Variants in NUDT5 observed in about 807,000 individuals in gnomAD.
NUDT5 encodes nudix hydrolase 5.
In NUDT5, 21 loss-of-function variants were observed where a neutral mutation model predicts 34.1. The ratio of observed to expected loss-of-function variants is 0.62; its 90% CI spans 0.44 to 0.89. NUDT5 has a LOEUF of 0.89. Among genes scored for constraint, NUDT5 ranks in the 40% least tolerant of loss-of-function variants. The probability of loss-of-function intolerance (pLI) is 0.00; values close to 1 mark genes in which losing one functional copy is unlikely to be tolerated. For synonymous variants in NUDT5, 85 were observed against 97.6 expected (o/e 0.87, Z 0.76); for missense variants, 249 against 274.8 (o/e 0.91, Z 0.66).
At chr10:12,191,021 G>A (rs1270989707) in intron 1 of NUDT5, among the ~76,000 whole-genome samples, 1 of 152,214 alleles carries the variant, frequency 6.6e-6, no homozygotes, top group African/African-American at 2.4e-5. Flanking sequence ...ACCGGGGCAA[G>A]GGTGAGAAAT....
chr10:12,187,301 T>G lies in NUDT5; in HGVS notation c.-41-969A>C. Among the ~76,000 whole-genome samples, 1 of 152,156 alleles carries G rather than the reference T, an allele frequency of 6.6e-6. No individual in the cohort carries two copies. ...CTCCTCCCGCCTCGGTGTCCCAAAGTGCTGGGATTACAGGCATGAGCCACT... is the reference window on the plus strand; with the variant it reads ...CTCCTCCCGCCTCGGTGTCCCAAAGGGCTGGGATTACAGGCATGAGCCACT... On this transcript the variant is annotated intron_variant, in intron 1 of 9. Coordinates refer to ENST00000491614, the MANE Select transcript of NUDT5 (RefSeq NM_014142.4). This position sits in a 1 kb window ranked among gnomAD's most constrained non-coding sequence, Gnocchi z 5.4.
chr10:12,194,836 T>C (rs991944833), intron 1 of NUDT5, among the ~76,000 whole-genome samples: 1 of 152,148 alleles, frequency 6.6e-6, no homozygotes, highest in Non-Finnish European at 1.5e-5. Context: ...CTAAAGCTCG[T>C]GTGGTAAGCG....
Position 12,170,108 on chromosome 10 carries a change from G to GT in NUDT5, c.550+608dup. On this transcript the variant is annotated intron_variant, in intron 9 of 9. Coordinates refer to ENST00000491614, the MANE Select transcript of NUDT5 (RefSeq NM_014142.4). The surrounding 1 kb of genome is among the most constrained non-coding windows in gnomAD (Gnocchi z 4.9). ...TCTCCATACAGTATCTCCTCTCGTG[G>GT]TTTTATCAAAGGACTTTTCTCCCCA... is the stretch of plus-strand genomic sequence containing the variant. The GT allele has an allele frequency of 6.2e-7, 1 of 1,612,008 alleles. No homozygotes were observed. The highest frequency in any genetic ancestry group is 8.5e-7 in the Non-Finnish European group (1 of 1,179,242).
At chr10:12,191,270 C>T (rs572503323) in intron 1 of NUDT5, among the ~76,000 whole-genome samples, 2 of 152,018 alleles carry the variant, frequency 1.3e-5, no homozygotes, top group African/African-American at 4.8e-5. Context: ...GTAGTCCGGG[C>T]TACTCAGGAG....
rs1834842146 is a variant in NUDT5 at position 12,171,036 on chromosome 10, T to G, written c.488-128A>C. The stretch of plus-strand genomic sequence containing the variant: ...AGCCTGGGTTTCTGCTAACTTAATT[T>G]ATATACATTGTCAAACTCGAGCAGT... On this transcript the variant is annotated intron_variant, in intron 7 of 9. Transcript: ENST00000491614. This position sits in a 1 kb window ranked among gnomAD's most constrained non-coding sequence, Gnocchi z 4.2. 2.1e-6 allele frequency: 2 copies of G among 945,774 alleles called. No individual in the cohort carries two copies. Among genetic ancestry groups the G allele is most frequent in the Admixed American group, 2.4e-5 (1 of 40,862 alleles). 58.6% of individuals were successfully genotyped at this position (945,774 alleles called of 1,614,324 possible). A position where few individuals can be genotyped will look rare whatever the true frequency, so the allele number is the denominator to read the frequency against.
intron 1 of NUDT5, among the ~76,000 whole-genome samples, chr10:12,193,445 C>T (rs1460418170): frequency 6.6e-6 from 1 of 152,100 alleles, no homozygotes; most frequent in Non-Finnish European, 1.5e-5. Context: ...AATCTCCTCC[C>T]CCATAATCAC....
At chr10:12,177,618 A>G (rs1173047050) in intron 5 of NUDT5, among the ~76,000 whole-genome samples, 175 bp downstream of exon 5, 1 of 152,198 alleles carries the variant, frequency 6.6e-6, no homozygotes, top group Non-Finnish European at 1.5e-5. Context: ...TCACGGGTTC[A>G]GAGGGTTGTT....
At position 12,177,850 on chromosome 10, in the gene NUDT5, C is replaced by T. The variant is rs771778450; in HGVS notation, c.232G>A (p.Val78Ile). 10 of 1,614,126 alleles carry T rather than the reference C, an allele frequency of 6.2e-6. No homozygotes were observed. In the East Asian group the frequency reaches 6.7e-5, roughly 11 times the overall value. ...GGTGGTCGGAACTGTTTCACCAGAA[C>T]GATACACTCATAGTGAAGTGTTCTC... is the stretch of plus-strand genomic sequence containing the variant. ...LQRTLHYECI[V>I]LVKQFRPPMG... Residue 78 changes from valine (V) to isoleucine (I), a missense_variant, in exon 5 of 10, where the codon GTT becomes ATT. Coordinates refer to ENST00000491614, the MANE Select transcript of NUDT5 (RefSeq NM_014142.4).
At chr10:12,185,741 TA>T (rs1213442606) in intron 2 of NUDT5, among the ~76,000 whole-genome samples, 3 of 152,378 alleles carry the variant, frequency 2.0e-5, no homozygotes, top group African/African-American at 7.2e-5. Context: ...ATGAAGGATT[TA>T]AAATTTATCC....
rs1456870855 is a variant in NUDT5, at chr10:12,181,576, C to T, written c.132-2444G>A. On this transcript the variant is annotated intron_variant, in intron 3 of 9. Transcript: ENST00000491614. This position sits in a 1 kb window ranked among gnomAD's most constrained non-coding sequence, Gnocchi z 5.0. Reference sequence around the variant, plus strand: ...ATGAGTCATGCACATAGGTCTCAGCCCTGTGTAGGGTGTTGTGGGGAACTG... The same window carrying T: ...ATGAGTCATGCACATAGGTCTCAGCTCTGTGTAGGGTGTTGTGGGGAACTG... Among the ~76,000 whole-genome samples the T allele has an allele frequency of 1.3e-5, 2 of 152,128 alleles. No homozygotes were observed. The highest frequency in any genetic ancestry group is 2.9e-5 in the Non-Finnish European group (2 of 68,024).
rs1834803016 is a variant in NUDT5 at position 12,169,479 on chromosome 10, C to T, written c.550+1238G>A. The T allele has an allele frequency of 6.9e-6, 4 of 580,246 alleles. No homozygotes were observed. The highest frequency in any genetic ancestry group is 6.5e-5 in the Admixed American group (2 of 30,568). The allele number at this position is 580,246 out of a possible 1,614,324, so 35.9% of individuals were successfully genotyped here. The stretch of plus-strand genomic sequence containing the variant: ...TGATGTGATAGCTAATTATGGTCCG[C>T]GGAGCCTCAAACCGAGTCGGGCCTG... On this transcript the variant is annotated intron_variant, in intron 9 of 9. Transcript: ENST00000491614. The surrounding 1 kb of genome is among the most constrained non-coding windows in gnomAD (Gnocchi z 4.8).
Position 12,175,482 on chromosome 10 carries a change from C to A in NUDT5, c.290-1669G>T, listed in dbSNP as rs1168709831. ...GTGACAAAGCAAAACCCCATCTCTA[C>A]AAAAAATTTAAAAATCGAATGCGGT... On this transcript the variant is annotated intron_variant, in intron 5 of 9. Transcript: ENST00000491614. The surrounding 1 kb of genome is among the most constrained non-coding windows in gnomAD (Gnocchi z 4.8). 6.6e-6 allele frequency among the ~76,000 whole-genome samples: 1 copy of A among 151,754 alleles called. No homozygotes were observed. Among genetic ancestry groups the A allele is most frequent in the Non-Finnish European group, 1.5e-5 (1 of 67,944 alleles).
At chr10:12,178,307 C>T (rs993228119) in intron 4 of NUDT5, among the ~76,000 whole-genome samples, 6 of 151,930 alleles carry the variant, frequency 3.9e-5, no homozygotes, top group African/African-American at 1.4e-4. Context: ...AAGTAAGTTC[C>T]ACTGTCTGCA....
intron 1 of NUDT5, among the ~76,000 whole-genome samples, chr10:12,190,860 C>T (rs988624584): frequency 3.9e-5 from 6 of 151,912 alleles, no homozygotes; most frequent in African/African-American, 1.5e-4. Context: ...CCACCCACCT[C>T]GGCCTCCCAC....
At chr10:12,167,873 C>T in intron 9 of NUDT5, 62 bp from the exon 10 acceptor site, 1 of 1,603,634 alleles carries the variant, frequency 6.2e-7, no homozygotes, top group Non-Finnish European at 8.5e-7. Context: ...ACATCTTATT[C>T]AATCAGTGTT....
rs576750707 is a variant in NUDT5, at chr10:12,175,880, C to A, written c.289+1913G>T. On this transcript the variant is annotated intron_variant, in intron 5 of 9. Coordinates refer to ENST00000491614, the MANE Select transcript of NUDT5 (RefSeq NM_014142.4). The surrounding 1 kb of genome is among the most constrained non-coding windows in gnomAD (Gnocchi z 4.8). ...CCAGCCTCAGCAACAGAGACCCCAT[C>A]TCAAAGAAAAAAGAAAAAGTGAGAG... Among the ~76,000 whole-genome samples the A allele has an allele frequency of 2.2e-4, 33 of 152,108 alleles. No individual in the cohort carries two copies. In the South Asian group the frequency reaches 3.7e-3, roughly 17 times the overall value.
intron 3 of NUDT5, 95 bp downstream of exon 3, chr10:12,184,794 A>T: frequency 1.3e-6 from 1 of 757,832 alleles, no homozygotes; most frequent in Non-Finnish European, 2.2e-6. Context: ...AACAGAGTTT[A>T]CAAAAAAGAA....
intron 1 of NUDT5, among the ~76,000 whole-genome samples, chr10:12,194,707 A>T (rs549021713): frequency 4.1e-4 from 62 of 152,364 alleles, no homozygotes; most frequent in African/African-American, 1.4e-3. Flanking sequence ...ATTCTAAGGA[A>T]CACCCTTCTG....
At position 12,171,250 on chromosome 10, in the gene NUDT5, C is replaced by T. The variant is rs1834846350; in HGVS notation, c.488-342G>A. The stretch of plus-strand genomic sequence containing the variant: ...TAACATTCAAAAAGGTGCACAACCA[C>T]CACCAGTATCCATCTCCAGAACTTT... On this transcript the variant is annotated intron_variant, in intron 7 of 9. Transcript: ENST00000491614. The surrounding 1 kb of genome is among the most constrained non-coding windows in gnomAD (Gnocchi z 4.2). 6.6e-6 allele frequency among the ~76,000 whole-genome samples: 1 copy of T among 152,170 alleles called. No homozygotes were observed. Among genetic ancestry groups the T allele is most frequent in the Non-Finnish European group, 1.5e-5 (1 of 68,036 alleles).
Sources: allele counts gnomAD v4.1 joint callset (sites outside exome capture counted in the v4.1 genomes callset), GRCh38; gene constraint gnomAD v4.1.1; non-coding constraint Gnocchi (gnomAD v3.1); transcripts MANE v1.5; gene names NCBI Gene and HGNC (gene_info 2026-07-23, HGNC 2026-07-21).